GOLM1: variants seen among roughly 807,000 people sequenced by gnomAD.
The protein encoded by GOLM1 is epididymis luminal protein 46.
In GOLM1, 31 loss-of-function variants were observed where a neutral mutation model predicts 50.5. The observed-to-expected ratio is 0.61, with a 90% confidence interval of 0.46 to 0.83. The LOEUF is 0.83. Among genes scored for constraint, GOLM1 ranks in the 40% least tolerant of loss-of-function variants. The probability of loss-of-function intolerance (pLI) is 0.00; values close to 1 mark genes in which losing one functional copy is unlikely to be tolerated. For missense variants in GOLM1, 491 were observed against 501.3 expected, an observed-to-expected ratio of 0.98 and a Z score of 0.20; for synonymous variants, 178 against 192.8, an observed-to-expected ratio of 0.92 and a Z score of 0.64.
At position 86,042,066 on chromosome 9, in the gene GOLM1, G is replaced by A. The variant is rs370838324; in HGVS notation, c.468-1198C>T. ...CGGGAGGCGGAGCTTGCAGTGAGCC[G>A]AGATCGCGCCACTGCACTCCAGCCT... On this transcript the variant is annotated intron_variant, in intron 5 of 9. Transcript: ENST00000388712. 5.1e-3 allele frequency among the ~76,000 whole-genome samples: 772 copies of A among 152,270 alleles called. 4 individuals are homozygous for A. The highest frequency in any genetic ancestry group is 0.018 in the African/African-American group (735 of 41,564).
In GOLM1 at chr9:86,026,875, T is replaced by TA; in HGVS notation, c.*941dup. 1.0e-6 allele frequency: 1 copy of TA among 984,328 alleles called. No homozygotes were observed. Among genetic ancestry groups the TA allele is most frequent in the Non-Finnish European group, 1.2e-6 (1 of 828,910 alleles). 61.0% of individuals were successfully genotyped at this position (984,328 alleles called of 1,614,324 possible). ...GTATTCCTGTTTTTCTAAACAGTCC[T>TA]AATTTCTAACACTGTATATATCCTT... On this transcript the variant is annotated 3_prime_UTR_variant, in exon 10 of 10. Coordinates refer to ENST00000388712, the MANE Select transcript of GOLM1 (RefSeq NM_016548.4).
intron 3 of GOLM1, among the ~76,000 whole-genome samples, chr9:86,054,061 C>A (rs1833911599): frequency 6.6e-6 from 1 of 152,174 alleles, no homozygotes; most frequent in South Asian, 2.1e-4. Context: ...AGCTTAGGAA[C>A]TGGAGGGTTT....
chr9:86,044,565 A>G (rs376869060), intron 5 of GOLM1, among the ~76,000 whole-genome samples: 5 of 152,260 alleles, frequency 3.3e-5, no homozygotes, highest in South Asian at 4.1e-4. Context: ...AGAAGGAAAT[A>G]ATCCAAAATG....
At chr9:86,068,116 G>T (rs984602995) in intron 3 of GOLM1, among the ~76,000 whole-genome samples, 1 of 152,166 alleles carries the variant, frequency 6.6e-6, no homozygotes, top group South Asian at 2.1e-4. Flanking sequence ...TATGACTGGT[G>T]TTCTTATAAG....
At chr9:86,097,522 A>G (rs1835387662) in intron 1 of GOLM1, among the ~76,000 whole-genome samples, 2 of 152,212 alleles carry the variant, frequency 1.3e-5, no homozygotes, top group South Asian at 4.1e-4. Flanking sequence ...CCAAAGGCAC[A>G]GAACACCGCT....
At chr9:86,035,922 G>A (rs1004909184) in intron 7 of GOLM1, among the ~76,000 whole-genome samples, 1 of 147,526 alleles carries the variant, frequency 6.8e-6, no homozygotes, top group Non-Finnish European at 1.5e-5. Context: ...ACCTTGACAA[G>A]GTACAAAGGG....
At position 86,027,587 on chromosome 9, in the gene GOLM1, C is replaced by G; in HGVS notation, c.*230G>C. On this transcript the variant is annotated 3_prime_UTR_variant, in exon 10 of 10. Coordinates refer to ENST00000388712, the MANE Select transcript of GOLM1 (RefSeq NM_016548.4). ...TGTTGAACTTCTCACGAAATACCTA[C>G]TACCAAAAATTGTGACACCTTATTA... The G allele has an allele frequency of 7.7e-7, 1 of 1,307,138 alleles. No homozygotes were observed. The highest frequency in any genetic ancestry group is 9.7e-7 in the Non-Finnish European group (1 of 1,030,774). 81.0% of individuals were successfully genotyped at this position (1,307,138 alleles called of 1,614,324 possible). A position where few individuals can be genotyped will look rare whatever the true frequency, so the allele number is the denominator to read the frequency against.
intron 9 of GOLM1, among the ~76,000 whole-genome samples, chr9:86,031,468 T>G (rs894658127): frequency 4.9e-4 from 71 of 145,250 alleles, no homozygotes; most frequent in African/African-American, 1.8e-3. Context: ...TTTTTTTTTT[T>G]TTTTTTCCCC....
chr9:86,096,910 T>C (rs1272139842), intron 1 of GOLM1, among the ~76,000 whole-genome samples: 1 of 152,150 alleles, frequency 6.6e-6, no homozygotes, highest in African/African-American at 2.4e-5. Context: ...AATTACAATA[T>C]AAACAACTAT....
At chr9:86,064,945 A>G (rs745370841) in intron 3 of GOLM1, among the ~76,000 whole-genome samples, 40 of 152,180 alleles carry the variant, frequency 2.6e-4, no homozygotes, top group Non-Finnish European at 4.7e-4. Flanking sequence ...TTCTGCCTCC[A>G]ATCAGATGCA....
chr9:86,030,564 C>T (rs1398271934), intron 9 of GOLM1, among the ~76,000 whole-genome samples: 2 of 152,074 alleles, frequency 1.3e-5, no homozygotes, highest in African/African-American at 4.8e-5. Flanking sequence ...AGCCACTACC[C>T]TTCAAAAAAG....
At chr9:86,054,547 T>A (rs946667890) in intron 3 of GOLM1, among the ~76,000 whole-genome samples, 4 of 152,168 alleles carry the variant, frequency 2.6e-5, no homozygotes, top group African/African-American at 9.7e-5. Flanking sequence ...TTGACAGTTA[T>A]GTGAGGTAGT....
chr9:86,054,799 A>G (rs752768890), intron 3 of GOLM1, among the ~76,000 whole-genome samples: 109 of 152,372 alleles, frequency 7.2e-4, no homozygotes, highest in Non-Finnish European at 9.0e-4. Flanking sequence ...AGAATATTAA[A>G]TATCAGAGTG....
intron 2 of GOLM1, among the ~76,000 whole-genome samples, chr9:86,078,345 C>T (rs1319497481): frequency 6.6e-6 from 1 of 152,126 alleles, no homozygotes; most frequent in Non-Finnish European, 1.5e-5. Flanking sequence ...TGCTCAATGC[C>T]GAACACATCA....
At chr9:86,098,655 T>A (rs1835426385) in intron 1 of GOLM1, among the ~76,000 whole-genome samples, 1 of 152,246 alleles carries the variant, frequency 6.6e-6, no homozygotes, top group African/African-American at 2.4e-5. Flanking sequence ...TGCTAAAAAA[T>A]TTCATCAAAA....
intron 3 of GOLM1, among the ~76,000 whole-genome samples, chr9:86,053,800 A>C (rs894149268): frequency 1.6e-5 from 1 of 61,696 alleles, no homozygotes; most frequent in Admixed American, 1.7e-4. Flanking sequence ...GCTCCACACA[A>C]CACCATACAC....
At chr9:86,033,488 T>TG in intron 8 of GOLM1, 93 bp from the exon 9 acceptor site, 1 of 762,398 alleles carries the variant, frequency 1.3e-6, no homozygotes, top group African/African-American at 1.7e-5. Context: ...TAGCCATACT[T>TG]GCTCACAATC....
chr9:86,081,945 G>C (rs930852833), intron 1 of GOLM1, among the ~76,000 whole-genome samples: 2 of 151,012 alleles, frequency 1.3e-5, no homozygotes, highest in Admixed American at 6.6e-5. Context: ...CCAAAGGAAA[G>C]GGATAACATT....
Position 86,035,398 on chromosome 9 carries a change from G to C in GOLM1, c.985C>G (p.Gln329Glu). Residue 329 changes from glutamine (Q) to glutamate (E), a missense_variant, in exon 8 of 10, where the codon CAG becomes GAG. Gln to Glu is a conservative substitution (Grantham distance 29). Transcript: ENST00000388712. ...CCGGCAGCTTCCTGCTCCTCCTCCT[G>C]TCCGTCGGGGATGACAAGCTGGTCT... ...ERDQLVIPDG[Q>E]EEEQEAAGEG... 1 of 1,613,946 alleles carries C rather than the reference G, an allele frequency of 6.2e-7. No homozygotes were observed. The highest frequency in any genetic ancestry group is 8.5e-7 in the Non-Finnish European group (1 of 1,180,010).
Sources: allele counts gnomAD v4.1 joint callset (sites outside exome capture counted in the v4.1 genomes callset), GRCh38; gene constraint gnomAD v4.1.1; transcripts MANE v1.5; gene names NCBI Gene and HGNC (gene_info 2026-07-23, HGNC 2026-07-21).